Variants in ARHGEF28 observed in about 807,000 individuals in gnomAD.
ARHGEF28 encodes the protein Rho guanine nucleotide exchange factor 28.
Under a neutral mutation model 206.6 loss-of-function variants are expected in ARHGEF28, and 152 were observed. That is an observed-to-expected ratio of 0.74 (90% CI 0.64 to 0.84). ARHGEF28 has a LOEUF of 0.84. ARHGEF28 is among the 40% of genes least tolerant of loss of function. The probability of loss-of-function intolerance (pLI) is 0.00; values close to 1 mark genes in which losing one functional copy is unlikely to be tolerated. For missense variants in ARHGEF28, 2,028 were observed against 2,073.2 expected (o/e 0.98, Z 0.42); for synonymous variants, 763 against 776.4 (o/e 0.98, Z 0.29).
At chr5:73,727,917 CTG>C (rs1750379038) in intron 2 of ARHGEF28, among the ~76,000 whole-genome samples, 1 of 152,172 alleles carries the variant, frequency 6.6e-6, no homozygotes, top group African/African-American at 2.4e-5. Context: ...TTTTGGGTGA[CTG>C]TATCAAACTG....
chr5:73,877,614 A>G (rs1270541984), intron 22 of ARHGEF28, among the ~76,000 whole-genome samples: 2 of 148,188 alleles, frequency 1.3e-5, no homozygotes, highest in African/African-American at 2.5e-5. Context: ...AGATTCTGGT[A>G]TGTTGTGTCT....
chr5:73,712,772 A>G (rs1749330318), intron 2 of ARHGEF28, among the ~76,000 whole-genome samples: 1 of 152,216 alleles, frequency 6.6e-6, no homozygotes, highest in African/African-American at 2.4e-5. Context: ...TCATATTCCC[A>G]CTACTTGCAT....
chr5:73,745,239 AGAAAACAT>A (rs60582685), intron 2 of ARHGEF28, among the ~76,000 whole-genome samples: 1,734 of 152,124 alleles, frequency 0.011, 23 homozygotes, highest in African/African-American at 0.04. Context: ...AGGAAGGGAG[AGAAAACAT>A]GAGTACAGGA....
chr5:73,632,216 G>A (rs1010326322), intron 1 of ARHGEF28, among the ~76,000 whole-genome samples: 3 of 152,190 alleles, frequency 2.0e-5, no homozygotes, highest in Non-Finnish European at 4.4e-5. Flanking sequence ...GGTACAGGGG[G>A]AGGAGGGCAA....
intron 10 of ARHGEF28, among the ~76,000 whole-genome samples, chr5:73,837,365 C>G (rs1757708713): frequency 6.6e-6 from 1 of 151,910 alleles, no homozygotes; most frequent in Non-Finnish European, 1.5e-5. Context: ...ATCTGTGTTG[C>G]TTCAATTTCT....
chr5:73,798,285 T>C (rs958781942), intron 9 of ARHGEF28, among the ~76,000 whole-genome samples: 21 of 152,242 alleles, frequency 1.4e-4, no homozygotes, highest in Admixed American at 1.2e-3. Flanking sequence ...TTGAGTATAG[T>C]CACTCTATTG....
intron 2 of ARHGEF28, among the ~76,000 whole-genome samples, chr5:73,728,563 G>A (rs761102829): frequency 6.0e-4 from 92 of 152,184 alleles, no homozygotes; most frequent in Non-Finnish European, 1.0e-3. Context: ...AAGACAAGTC[G>A]AAAGGTTAAT....
chr5:73,813,566 G>A, intron 9 of ARHGEF28: 1 of 1,535,204 alleles, frequency 6.5e-7, no homozygotes, highest in Non-Finnish European at 8.7e-7. Flanking sequence ...TGTTTCATCT[G>A]TTGATTTCAC....
intron 14 of ARHGEF28, among the ~76,000 whole-genome samples, chr5:73,854,910 T>A (rs1311626028): frequency 2.0e-5 from 3 of 152,058 alleles, no homozygotes; most frequent in Non-Finnish European, 4.4e-5. Flanking sequence ...AGATTAAGGG[T>A]TAAAATATTA....
intron 35 of ARHGEF28, among the ~76,000 whole-genome samples, chr5:73,919,463 CA>C (rs1165849919): frequency 6.6e-6 from 1 of 152,200 alleles, no homozygotes; most frequent in Non-Finnish European, 1.5e-5. Flanking sequence ...TTACGTAAGT[CA>C]ACCACATTTT....
At chr5:73,812,489 T>C (rs535825004) in intron 9 of ARHGEF28, among the ~76,000 whole-genome samples, 17 of 152,344 alleles carry the variant, frequency 1.1e-4, no homozygotes, top group Non-Finnish European at 7.3e-5. Context: ...TAAAAGAGAC[T>C]GCCTGATAAC....
chr5:73,733,839 T>C lies in ARHGEF28; in HGVS notation c.34-15998T>C, dbSNP rs1750746990. Among the ~76,000 whole-genome samples, 3 of 152,038 alleles carry C rather than the reference T, an allele frequency of 2.0e-5. 1 individual carries two copies. The South Asian group carries it at 6.2e-4, about 32-fold the overall frequency. ...AACTGGCTCACAGTTCTGTAAGCTG[T>C]ACAGGAAGCATGGTGCTGGCATTTG... is the stretch of plus-strand genomic sequence containing the variant. On this transcript the variant is annotated intron_variant, in intron 2 of 35. Coordinates refer to ENST00000513042, the MANE Select transcript of ARHGEF28 (RefSeq NM_001177693.2).
chr5:73,694,231 G>A (rs1269117426), intron 2 of ARHGEF28, among the ~76,000 whole-genome samples: 1 of 152,214 alleles, frequency 6.6e-6, no homozygotes, highest in Non-Finnish European at 1.5e-5. Flanking sequence ...TCTGGGGAAA[G>A]GCCCAAAGGT....
chr5:73,886,067 C>G lies in ARHGEF28; in HGVS notation c.3273C>G (p.Gly1091=). The G allele has an allele frequency of 1.9e-6, 3 of 1,613,328 alleles. No homozygotes were observed. The highest frequency in any genetic ancestry group is 2.5e-6 in the Non-Finnish European group (3 of 1,179,692). ...MSEERTLLYD[G]LVYWKTATGR... ...AAGAAAGGACTCTGTTATATGATGG[C>G]CTTGTTTACTGGAAAACTGCTACAG... Residue 1091 remains glycine, a synonymous_variant, in exon 25 of 36, where the codon GGC becomes GGG. Coordinates refer to ENST00000513042, the MANE Select transcript of ARHGEF28 (RefSeq NM_001177693.2).
At chr5:73,674,210 G>A (rs1292680461) in intron 1 of ARHGEF28, among the ~76,000 whole-genome samples, 1 of 152,164 alleles carries the variant, frequency 6.6e-6, no homozygotes, top group East Asian at 1.9e-4. Context: ...TACCATAGCT[G>A]AGATTCAATG....
intron 9 of ARHGEF28, among the ~76,000 whole-genome samples, chr5:73,805,573 G>A (rs1561416555): frequency 6.6e-6 from 1 of 152,108 alleles, no homozygotes; most frequent in Non-Finnish European, 1.5e-5. Flanking sequence ...TACATGTATT[G>A]CACAAATAAG....
chr5:73,846,557 A>G (rs1186097966), intron 12 of ARHGEF28, 82 bp downstream of exon 12: 2 of 1,322,392 alleles, frequency 1.5e-6, no homozygotes, highest in Non-Finnish European at 2.1e-6. Flanking sequence ...TCTGAAAGAC[A>G]TATTATATTT....
intron 25 of ARHGEF28, among the ~76,000 whole-genome samples, chr5:73,887,213 C>G (rs967444107): frequency 2.0e-5 from 3 of 152,168 alleles, no homozygotes; most frequent in Non-Finnish European, 4.4e-5. Flanking sequence ...AAACCTTGCT[C>G]AGATCTAGAT....
chr5:73,938,742 G>C (rs976780413), intron 35 of ARHGEF28, among the ~76,000 whole-genome samples: 1 of 152,178 alleles, frequency 6.6e-6, no homozygotes, highest in Non-Finnish European at 1.5e-5. Flanking sequence ...GTGACTGCGT[G>C]TTGTGACCAC....
Sources: allele counts gnomAD v4.1 joint callset (sites outside exome capture counted in the v4.1 genomes callset), GRCh38; gene constraint gnomAD v4.1.1; transcripts MANE v1.5; gene names NCBI Gene and HGNC (gene_info 2026-07-23, HGNC 2026-07-21).